The following RALGAPA2 variants were observed in gnomAD, a reference collection of about 807,000 sequenced individuals.
RALGAPA2 encodes Ral GTPase activating protein catalytic subunit alpha 2, also known as ral GTPase-activating protein subunit alpha-2.
A neutral mutation model predicts 230.4 loss-of-function variants in RALGAPA2; 139 were observed. The ratio of observed to expected loss-of-function variants is 0.60; its 90% CI spans 0.53 to 0.69. The LOEUF (loss-of-function observed/expected upper bound fraction) is 0.69. Ranked by LOEUF, RALGAPA2 falls within the 30% of genes least tolerant of loss-of-function variation. RALGAPA2 has a pLI of 0.00. For synonymous variants in RALGAPA2, 847 were observed against 837.8 expected, an observed-to-expected ratio of 1.01 and a Z score of -0.19; for missense variants, 2,163 against 2,276.0, an observed-to-expected ratio of 0.95 and a Z score of 1.01.
At chr20:20,591,024 T>C (rs1289867494) in intron 17 of RALGAPA2, among the ~76,000 whole-genome samples, 153 bp downstream of exon 17, 2 of 152,210 alleles carry the variant, frequency 1.3e-5, no homozygotes, top group East Asian at 1.9e-4. Context: ...AAATATTTCA[T>C]TGCCATAAAT....
chr20:20,592,583 T>A (rs17741669), intron 16 of RALGAPA2, among the ~76,000 whole-genome samples: 1 of 152,118 alleles, frequency 6.6e-6, no homozygotes, highest in South Asian at 2.1e-4. Flanking sequence ...ATAACTAGAA[T>A]ATTTTCCACA....
At chr20:20,532,936 A>G (rs1371145280) in intron 26 of RALGAPA2, among the ~76,000 whole-genome samples, 1 of 152,112 alleles carries the variant, frequency 6.6e-6, no homozygotes, top group Non-Finnish European at 1.5e-5. Context: ...AGGCTTGGTA[A>G]GTATGCATGT....
rs545096659 is a variant in RALGAPA2, at chr20:20,489,362, A to G, written c.5367+5755T>C. On this transcript the variant is annotated intron_variant, in intron 36 of 39. Coordinates refer to ENST00000202677, the MANE Select transcript of RALGAPA2 (RefSeq NM_020343.4). ...AAATTAAGAATCTACTCATAGTCTA[A>G]GATCATTCGTGTTGCCAGGTTCAAA... is the stretch of plus-strand genomic sequence containing the variant. Among the ~76,000 whole-genome samples, 5 of 152,346 alleles carry G rather than the reference A, an allele frequency of 3.3e-5. No individual in the cohort carries two copies. In the East Asian group the frequency reaches 7.7e-4, roughly 24 times the overall value.
At chr20:20,636,158 C>T (rs1182420749) in intron 8 of RALGAPA2, among the ~76,000 whole-genome samples, 2 of 152,092 alleles carry the variant, frequency 1.3e-5, no homozygotes, top group African/African-American at 4.8e-5. Flanking sequence ...CACATTTCAC[C>T]TTTGAGGCAT....
At chr20:20,395,595 G>A (rs1444693152) in intron 39 of RALGAPA2, among the ~76,000 whole-genome samples, 1 of 152,148 alleles carries the variant, frequency 6.6e-6, no homozygotes, top group Non-Finnish European at 1.5e-5. Context: ...ATGAGCACCT[G>A]GGCTCTGAGG....
intron 35 of RALGAPA2, among the ~76,000 whole-genome samples, chr20:20,500,000 C>G (rs2062326184): frequency 6.6e-6 from 1 of 152,102 alleles, no homozygotes; most frequent in South Asian, 2.1e-4. Context: ...CTTATGTTTA[C>G]TATAGTCTAT....
chr20:20,634,836 G>A (rs1167292918), intron 9 of RALGAPA2, among the ~76,000 whole-genome samples: 1 of 152,132 alleles, frequency 6.6e-6, no homozygotes, highest in African/African-American at 2.4e-5. Context: ...GTGTATGGCT[G>A]ACCAAGGCCA....
At chr20:20,704,717 T>G (rs2069526403) in intron 1 of RALGAPA2, among the ~76,000 whole-genome samples, 1 of 152,222 alleles carries the variant, frequency 6.6e-6, no homozygotes, top group African/African-American at 2.4e-5. Flanking sequence ...CAGAGGAGAA[T>G]GGGATTCTCA....
chr20:20,449,908 C>G (rs2060950173), intron 37 of RALGAPA2, among the ~76,000 whole-genome samples: 2 of 152,202 alleles, frequency 1.3e-5, no homozygotes, highest in South Asian at 4.1e-4. Flanking sequence ...CTACACCTTA[C>G]AGCAAGCATT....
chr20:20,618,970 T>C (rs1333641952), intron 12 of RALGAPA2, among the ~76,000 whole-genome samples: 1 of 152,358 alleles, frequency 6.6e-6, no homozygotes, highest in Admixed American at 6.5e-5. Context: ...CATAAGTGTT[T>C]GGAAGATAAT....
intron 37 of RALGAPA2, 33 bp from the exon 38 acceptor site, chr20:20,412,181 T>G: frequency 6.2e-7 from 1 of 1,611,890 alleles, no homozygotes; most frequent in Non-Finnish European, 8.5e-7. Context: ...CAAGTGCACG[T>G]GCAAAGTGGC....
chr20:20,603,781 G>C (rs1204789973), intron 15 of RALGAPA2, among the ~76,000 whole-genome samples: 1 of 152,196 alleles, frequency 6.6e-6, no homozygotes, highest in Admixed American at 6.5e-5. Context: ...ATCAAATCAA[G>C]ATAAATAAGT....
chr20:20,703,737 G>C (rs1476989779), intron 1 of RALGAPA2, among the ~76,000 whole-genome samples: 1 of 152,110 alleles, frequency 6.6e-6, no homozygotes, highest in Non-Finnish European at 1.5e-5. Context: ...TTTAACTCTG[G>C]AGTCATACCC....
rs1195834682 is a variant in RALGAPA2 at position 20,583,240 on chromosome 20, A to C, written c.2531-14T>G. 6.3e-7 allele frequency: 1 copy of C among 1,579,080 alleles called. No homozygotes were observed. Among genetic ancestry groups the C allele is most frequent in the Admixed American group, 1.9e-5 (1 of 53,094 alleles). The stretch of plus-strand genomic sequence containing the variant: ...TGGTACTTTCACCTGGTACAATGGA[A>C]GAACCAAAGTTTAAGATAAAAAATA... On this transcript the variant is annotated splice_polypyrimidine_tract_variant and intron_variant, in intron 19 of 39. Transcript: ENST00000202677.
At chr20:20,676,097 G>C in intron 3 of RALGAPA2, 139 bp downstream of exon 3, 1 of 576,132 alleles carries the variant, frequency 1.7e-6, no homozygotes, top group East Asian at 3.0e-5. Context: ...AAAAGTGGGA[G>C]GGTGGGAGGA....
At chr20:20,458,485 GTATTTTATATATATTATATATAATA>G (rs2061184196) in intron 37 of RALGAPA2, among the ~76,000 whole-genome samples, 1 of 127,642 alleles carries the variant, frequency 7.8e-6, no homozygotes, top group Non-Finnish European at 1.6e-5. Flanking sequence ...TAATATATAT[GTATTTTATATATATTATATATAATA>G]TATATGTATT....
At chr20:20,465,933 C>T (rs1382744153) in intron 37 of RALGAPA2, among the ~76,000 whole-genome samples, 1 of 152,256 alleles carries the variant, frequency 6.6e-6, no homozygotes, top group Non-Finnish European at 1.5e-5. Flanking sequence ...AGGTTTGAAA[C>T]TCCAGTATCT....
rs1178716905 is a variant in RALGAPA2 at position 20,619,267 on chromosome 20, A to G, written c.1539+10T>C. ...GTGGAGGGGTCTTCATGTCCTGGCC[A>G]GCCACATACCTGCAACAAAGCCTGG... On this transcript the variant is annotated intron_variant, in intron 12 of 39. Coordinates refer to ENST00000202677, the MANE Select transcript of RALGAPA2 (RefSeq NM_020343.4). 2.5e-5 allele frequency: 39 copies of G among 1,588,490 alleles called. 1 individual carries two copies. The highest frequency in any genetic ancestry group is 3.3e-5 in the Non-Finnish European group (38 of 1,164,424).
At chr20:20,600,437 CAGAA>C (rs903356717) in intron 16 of RALGAPA2, among the ~76,000 whole-genome samples, 11 of 152,040 alleles carry the variant, frequency 7.2e-5, no homozygotes, top group Non-Finnish European at 1.0e-4. Context: ...GAGAGAATGA[CAGAA>C]AGAAAGAAAG....
Sources: gnomAD v4.1 joint callset for allele counts (sites outside exome capture counted in the v4.1 genomes callset) on GRCh38, gnomAD v4.1.1 for gene constraint, MANE v1.5 for transcripts, NCBI Gene and HGNC (gene_info 2026-07-23, HGNC 2026-07-21) for gene names.